GRID2: variants seen among roughly 807,000 people sequenced by gnomAD.
GRID2 encodes glutamate receptor ionotropic, delta-2.
GRID2 carries 33 observed loss-of-function variants against 114.8 expected under a neutral mutation model. The observed-to-expected ratio is 0.29, with a 90% CI of 0.22 to 0.38. The LOEUF is 0.38. GRID2 is among the 10% of genes least tolerant of loss of function. The pLI, the probability that GRID2 is intolerant of heterozygous loss-of-function variation, is 1.00. For missense variants in GRID2, 1,184 were observed against 1,257.7 expected, an observed-to-expected ratio of 0.94 and a Z score of 0.89; for synonymous variants, 505 against 449.9, an observed-to-expected ratio of 1.12 and a Z score of -1.55.
In GRID2 at chr4:92,600,074, A is replaced by G. The variant is rs1185373876; in HGVS notation, c.244+9788A>G. Among the ~76,000 whole-genome samples, 23 of 133,326 alleles carry G rather than the reference A, an allele frequency of 1.7e-4. 1 individual carries two copies. Among genetic ancestry groups the G allele is most frequent in the East Asian group, 4.4e-4 (2 of 4,518 alleles). The allele number at this position is 133,326 out of a possible 152,430, so 87.5% of individuals were successfully genotyped here. ...TATATATATATATATATATATATAT[A>G]TATATATATATATATTTCTCAGAAT... On this transcript the variant is annotated intron_variant, in intron 2 of 15. Transcript: ENST00000282020.
intron 2 of GRID2, among the ~76,000 whole-genome samples, chr4:92,944,542 C>G (rs1404622781): frequency 6.6e-6 from 1 of 152,216 alleles, no homozygotes; most frequent in East Asian, 1.9e-4. Context: ...GATGCCTCGC[C>G]TTGCTTCAGC....
At chr4:93,099,691 A>C (rs988313694) in intron 3 of GRID2, among the ~76,000 whole-genome samples, 11 of 151,870 alleles carry the variant, frequency 7.2e-5, no homozygotes, top group Admixed American at 5.3e-4. Flanking sequence ...AATGTTTTCA[A>C]ACTAGAGTCA....
intron 2 of GRID2, among the ~76,000 whole-genome samples, chr4:92,902,721 T>G (rs968764684): frequency 6.6e-6 from 1 of 152,084 alleles, no homozygotes; most frequent in Admixed American, 6.5e-5. Context: ...CAGTCCAATA[T>G]TCCCAGTACC....
intron 1 of GRID2, among the ~76,000 whole-genome samples, chr4:92,403,868 G>T (rs1304074786): frequency 6.6e-6 from 1 of 151,968 alleles, no homozygotes. Context: ...GAGAGATAGG[G>T]AATGGCTGGA....
chr4:92,449,710 T>TATATATATATATATATAA lies in GRID2; in HGVS notation c.89-140420_89-140419insTATATATATATATATAAA, dbSNP rs1266661271. Reference sequence around the variant, plus strand: ...ATATATATATATATATATATATATATAACACTTAAGCCAAATTCATTTATA... The same window carrying TATATATATATATATATAA: ...ATATATATATATATATATATATATATATATATATATATATATAAAACACTTAAGCCAAATTCATTTATA... On this transcript the variant is annotated intron_variant, in intron 1 of 15. Transcript: ENST00000282020. 7.1e-4 allele frequency among the ~76,000 whole-genome samples: 93 copies of TATATATATATATATATAA among 131,664 alleles called. 1 individual carries two copies. Among genetic ancestry groups the TATATATATATATATATAA allele is most frequent in the African/African-American group, 2.6e-3 (89 of 34,346 alleles). The allele number at this position is 131,664 out of a possible 152,430, so 86.4% of individuals were successfully genotyped here.
At chr4:93,804,371 C>A (rs1734991965) in intron 1 of GRID2, among the ~76,000 whole-genome samples, 1 of 152,136 alleles carries the variant, frequency 6.6e-6, no homozygotes, top group South Asian at 2.1e-4. Context: ...GTTTAGCCTA[C>A]TACACGCCTA....
chr4:92,588,735 A>G (rs1728575541), intron 1 of GRID2, among the ~76,000 whole-genome samples: 2 of 151,404 alleles, frequency 1.3e-5, no homozygotes, highest in South Asian at 4.2e-4. Flanking sequence ...GTTCTCAGCC[A>G]TGGACAGGTA....
At chr4:93,412,100 G>A (rs1316963372) in intron 9 of GRID2, among the ~76,000 whole-genome samples, 1 of 151,662 alleles carries the variant, frequency 6.6e-6, no homozygotes, top group Non-Finnish European at 1.5e-5. Context: ...GCTGTGCTGT[G>A]TCATACAGAT....
At chr4:93,583,205 A>G (rs1443083360) in intron 13 of GRID2, among the ~76,000 whole-genome samples, 2 of 152,156 alleles carry the variant, frequency 1.3e-5, no homozygotes, top group African/African-American at 2.4e-5. Context: ...TCAAAAACCT[A>G]TTTCCAAACA....
rs540451560 is a variant in GRID2, at chr4:92,355,508, A to G, written c.88+50764A>G. Reference sequence around the variant, plus strand: ...TTTCTTTTAGGGTGACTTTCATACTATGAAGAAAAAAAGGTCATAAGGGTA... The same window carrying G: ...TTTCTTTTAGGGTGACTTTCATACTGTGAAGAAAAAAAGGTCATAAGGGTA... On this transcript the variant is annotated intron_variant, in intron 1 of 15. Transcript: ENST00000282020. Among the ~76,000 whole-genome samples, 7 of 151,960 alleles carry G rather than the reference A, an allele frequency of 4.6e-5. No homozygotes were observed. The East Asian group carries it at 9.7e-4, about 21-fold the overall frequency.
In GRID2 at chr4:92,629,349, C is replaced by G. The variant is rs115870110; in HGVS notation, c.244+39063C>G. Reference sequence around the variant, plus strand: ...AGTACCATGGTATCAGGTGCTCCATCTTAGTATGGACACCATATAAGATCA... The same window carrying G: ...AGTACCATGGTATCAGGTGCTCCATGTTAGTATGGACACCATATAAGATCA... On this transcript the variant is annotated intron_variant, in intron 2 of 15. Coordinates refer to ENST00000282020, the MANE Select transcript of GRID2 (RefSeq NM_001510.4). Among the ~76,000 whole-genome samples the G allele has an allele frequency of 8.2e-3, 1,240 of 152,140 alleles. 20 individuals are homozygous for G. The highest frequency in any genetic ancestry group is 0.029 in the African/African-American group (1,195 of 41,520).
intron 2 of GRID2, among the ~76,000 whole-genome samples, chr4:92,683,298 C>CA (rs1449945920): frequency 1.3e-4 from 19 of 150,814 alleles, no homozygotes; most frequent in South Asian, 4.2e-4. Flanking sequence ...GACTCCATAT[C>CA]AGAAAAAAAA....
At chr4:92,629,454 A>G (rs1360874802) in intron 2 of GRID2, among the ~76,000 whole-genome samples, 1 of 152,122 alleles carries the variant, frequency 6.6e-6, no homozygotes, top group Admixed American at 6.5e-5. Context: ...AATGTTTCAC[A>G]GGCGACTCCC....
At chr4:93,170,298 A>G (rs1738672866) in intron 4 of GRID2, among the ~76,000 whole-genome samples, 1 of 152,064 alleles carries the variant, frequency 6.6e-6, no homozygotes, top group South Asian at 2.1e-4. Context: ...TGGCCAGGCT[A>G]GTCTTAAACT....
intron 13 of GRID2, among the ~76,000 whole-genome samples, chr4:93,591,795 G>A (rs1250464001): frequency 6.6e-6 from 1 of 152,202 alleles, no homozygotes; most frequent in Non-Finnish European, 1.5e-5. Flanking sequence ...GAGAGTGTAT[G>A]TGTCGAGGAA....
At chr4:93,256,797 T>C (rs1394306628) in intron 8 of GRID2, among the ~76,000 whole-genome samples, 1 of 151,930 alleles carries the variant, frequency 6.6e-6, no homozygotes, top group African/African-American at 2.4e-5. Flanking sequence ...GGGTCAAATA[T>C]TTTTGAATTG....
intron 2 of GRID2, among the ~76,000 whole-genome samples, chr4:93,023,944 TTACTC>T (rs1204000989): frequency 5.3e-5 from 8 of 151,970 alleles, no homozygotes; most frequent in African/African-American, 7.2e-5. Context: ...TTACAAAACA[TTACTC>T]TAGTGTTTTT....
At chr4:92,750,922 G>C (rs1737424849) in intron 2 of GRID2, among the ~76,000 whole-genome samples, 1 of 152,044 alleles carries the variant, frequency 6.6e-6, no homozygotes, top group African/African-American at 2.4e-5. Flanking sequence ...GCTTCATATT[G>C]TATCAATCAA....
At chr4:93,559,609 G>C (rs1734685834) in intron 13 of GRID2, among the ~76,000 whole-genome samples, 1 of 152,152 alleles carries the variant, frequency 6.6e-6, no homozygotes, top group Non-Finnish European at 1.5e-5. Flanking sequence ...GGAAAAATAG[G>C]AACACTTTTA....
Sources: gnomAD v4.1 joint callset for allele counts (sites outside exome capture counted in the v4.1 genomes callset) on GRCh38, gnomAD v4.1.1 for gene constraint, MANE v1.5 for transcripts, NCBI Gene and HGNC (gene_info 2026-07-23, HGNC 2026-07-21) for gene names.